Variants in SPAG16 observed in about 807,000 individuals in gnomAD.
SPAG16 encodes sperm-associated antigen 16 protein.
In SPAG16, 86 loss-of-function variants were observed where a neutral mutation model predicts 80.4. The observed-to-expected ratio is 1.07, with a 90% CI of 0.90 to 1.28. The LOEUF is 1.28. Among genes scored for constraint, SPAG16 ranks in the 50% most tolerant of loss-of-function variants. The pLI, the probability that SPAG16 is intolerant of heterozygous loss-of-function variation, is 0.00. For missense variants in SPAG16, 870 were observed against 765.3 expected, an observed-to-expected ratio of 1.14 and a Z score of -1.61; for synonymous variants, 294 against 265.9, an observed-to-expected ratio of 1.11 and a Z score of -1.03.
intron 15 of SPAG16, among the ~76,000 whole-genome samples, chr2:214,236,620 C>T (rs2125815741): frequency 6.6e-6 from 1 of 151,756 alleles, no homozygotes; most frequent in South Asian, 2.1e-4. Flanking sequence ...CCATTGCACT[C>T]CATCCTGGGT....
chr2:213,956,301 C>A (rs2044132323), intron 12 of SPAG16, among the ~76,000 whole-genome samples: 1 of 151,782 alleles, frequency 6.6e-6, no homozygotes, highest in South Asian at 2.1e-4. Flanking sequence ...TTTTGTTTAT[C>A]TCTGCTCTCA....
intron 10 of SPAG16, among the ~76,000 whole-genome samples, chr2:213,667,635 A>G (rs1267374484): frequency 6.6e-6 from 1 of 152,368 alleles, no homozygotes; most frequent in East Asian, 1.9e-4. Context: ...GCAAGGACAT[A>G]GTTATTGACC....
intron 15 of SPAG16, among the ~76,000 whole-genome samples, chr2:214,254,118 G>GAATTCTTGCAAT (rs202179529): frequency 5.3e-5 from 8 of 152,084 alleles, no homozygotes; most frequent in Non-Finnish European, 1.2e-4. Flanking sequence ...TTGGTGTCTG[G>GAATTCTTGCAAT]TTTTGCACAT....
At chr2:214,392,604 C>T (rs1446906400) in intron 15 of SPAG16, among the ~76,000 whole-genome samples, 1 of 151,524 alleles carries the variant, frequency 6.6e-6, no homozygotes, top group Non-Finnish European at 1.5e-5. Context: ...ATGCATTTGA[C>T]CTGGGGAAGA....
intron 9 of SPAG16, chr2:213,396,550 C>A (rs754885966): frequency 4.7e-6 from 2 of 426,050 alleles, no homozygotes; most frequent in South Asian, 3.4e-5. Flanking sequence ...GAGCTCAGTG[C>A]GAGAACAGCC....
intron 15 of SPAG16, among the ~76,000 whole-genome samples, chr2:214,193,661 G>A (rs1349254452): frequency 6.6e-6 from 1 of 152,032 alleles, no homozygotes; most frequent in Non-Finnish European, 1.5e-5. Context: ...TGAAAAAAAT[G>A]TGTGTCAAGT....
chr2:213,870,436 A>G (rs13423895), intron 11 of SPAG16, among the ~76,000 whole-genome samples: 90,373 of 152,004 alleles, frequency 0.59, 28,758 homozygotes, highest in South Asian at 0.85. Flanking sequence ...ATAAATAAAT[A>G]AATTTCAAGG....
chr2:213,759,411 C>G (rs62192706), intron 10 of SPAG16, among the ~76,000 whole-genome samples: 44 of 151,700 alleles, frequency 2.9e-4, no homozygotes, highest in Non-Finnish European at 4.1e-4. Context: ...ATTTAAGAGA[C>G]TAATGAATTT....
intron 11 of SPAG16, among the ~76,000 whole-genome samples, chr2:213,911,386 C>A (rs1227137388): frequency 6.6e-6 from 1 of 152,182 alleles, no homozygotes; most frequent in Non-Finnish European, 1.5e-5. Flanking sequence ...CTCAAGCAAT[C>A]TCCCTGCCTT....
intron 10 of SPAG16, among the ~76,000 whole-genome samples, chr2:213,537,999 C>T (rs557388783): frequency 4.3e-4 from 66 of 152,228 alleles, no homozygotes; most frequent in African/African-American, 1.4e-3. Flanking sequence ...TAGTTCAGTA[C>T]TGACAGTATC....
chr2:213,681,162 C>T (rs1404546888), intron 10 of SPAG16, among the ~76,000 whole-genome samples: 2 of 152,266 alleles, frequency 1.3e-5, no homozygotes, highest in East Asian at 3.9e-4. Context: ...AGAGGATTCT[C>T]TATAGGATGT....
At chr2:213,706,398 T>C (rs2065754201) in intron 10 of SPAG16, among the ~76,000 whole-genome samples, 1 of 152,260 alleles carries the variant, frequency 6.6e-6, no homozygotes, top group South Asian at 2.1e-4. Context: ...TAAGAAATAA[T>C]TGAATTCAAA....
intron 12 of SPAG16, among the ~76,000 whole-genome samples, chr2:213,949,179 T>TTTTTTTTGTTTTTTTTTTTTTTTTTG (rs1553677663): frequency 2.8e-5 from 1 of 36,244 alleles, no homozygotes; most frequent in African/African-American, 8.2e-5. Flanking sequence ...GTTTTTTTTT[T>TTTTTTTTGTTTTTTTTTTTTTTTTTG]TTTTTTTTTT....
intron 14 of SPAG16, among the ~76,000 whole-genome samples, chr2:214,135,812 A>T (rs1022329858): frequency 3.3e-5 from 5 of 151,680 alleles, no homozygotes. Flanking sequence ...GCCTTCTGCC[A>T]TGAAAAGAAG....
intron 15 of SPAG16, among the ~76,000 whole-genome samples, chr2:214,328,697 G>A (rs989953524): frequency 2.0e-5 from 3 of 152,058 alleles, no homozygotes; most frequent in Non-Finnish European, 4.4e-5. Context: ...TGAGAAAAAA[G>A]TGTCTATTAA....
intron 10 of SPAG16, among the ~76,000 whole-genome samples, chr2:213,540,582 A>C (rs528229177): frequency 6.6e-6 from 1 of 152,202 alleles, no homozygotes; most frequent in Admixed American, 6.5e-5. Context: ...GCCTTTAGTT[A>C]ATTGCTTTGT....
At chr2:213,494,213 T>G (rs2074387751) in intron 10 of SPAG16, among the ~76,000 whole-genome samples, 1 of 152,208 alleles carries the variant, frequency 6.6e-6, no homozygotes, top group Non-Finnish European at 1.5e-5. Flanking sequence ...ATCTTTTCAC[T>G]CTCATTTGCA....
chr2:213,688,733 C>A (rs1333060376), intron 10 of SPAG16, among the ~76,000 whole-genome samples: 1 of 152,040 alleles, frequency 6.6e-6, no homozygotes, highest in Non-Finnish European at 1.5e-5. Context: ...TATGGATGCT[C>A]TGTTAATTTT....
At chr2:213,928,184 C>T (rs1216497124) in intron 11 of SPAG16, among the ~76,000 whole-genome samples, 1 of 151,892 alleles carries the variant, frequency 6.6e-6, no homozygotes, top group Non-Finnish European at 1.5e-5. Context: ...CTTCCGGGTT[C>T]AAGTGATTTC....
Sources: gnomAD v4.1 joint callset for allele counts (sites outside exome capture counted in the v4.1 genomes callset) on GRCh38, gnomAD v4.1.1 for gene constraint, MANE v1.5 for transcripts, NCBI Gene and HGNC (gene_info 2026-07-23, HGNC 2026-07-21) for gene names.